BEST3: variants seen among roughly 807,000 people sequenced by gnomAD.
BEST3 encodes the protein bestrophin-3.
BEST3 carries 50 observed loss-of-function variants against 47.1 expected under a neutral mutation model. The observed-to-expected ratio is 1.06, with a 90% CI of 0.85 to 1.34. BEST3 has a LOEUF of 1.34. Among genes scored for constraint, BEST3 ranks in the 40% most tolerant of loss-of-function variants. The pLI is 0.00. For synonymous variants in BEST3, 282 were observed against 298.8 expected, an observed-to-expected ratio of 0.94 and a Z score of 0.58; for missense variants, 765 against 817.0, an observed-to-expected ratio of 0.94 and a Z score of 0.78.
chr12:69,697,284 G>GAATGACAAGTTGACAGAAGCACA (rs1466078113), intron 2 of BEST3, among the ~76,000 whole-genome samples: 1 of 152,158 alleles, frequency 6.6e-6, no homozygotes, highest in Non-Finnish European at 1.5e-5. Context: ...CATCAACTAT[G>GAATGACAAGTTGACAGAAGCACA]AATGACAAGT....
At chr12:69,688,998 CA>C (rs1885799494) in intron 4 of BEST3, 4 of 654,696 alleles carry the variant, frequency 6.1e-6, no homozygotes, top group Non-Finnish European at 7.6e-6. Context: ...GTAGAGAATT[CA>C]ACTGACAAGA....
intron 9 of BEST3, among the ~76,000 whole-genome samples, chr12:69,656,909 G>T (rs866145504): frequency 6.6e-6 from 1 of 152,102 alleles, no homozygotes; most frequent in Non-Finnish European, 1.5e-5. Context: ...TTGCATTTAT[G>T]TCTGTACAAT....
At chr12:69,662,102 C>G (rs992574884) in intron 9 of BEST3, among the ~76,000 whole-genome samples, 4 of 152,100 alleles carry the variant, frequency 2.6e-5, no homozygotes, top group African/African-American at 9.7e-5. Flanking sequence ...AACTGATTGC[C>G]CATGGTGACC....
At position 69,645,890 on chromosome 12, in the gene BEST3, C is replaced by T. The variant is rs1883016470; in HGVS notation, c.1101-2103G>A. On this transcript the variant is annotated intron_variant, in intron 9 of 9. Coordinates refer to the BEST3 transcript ENST00000331471. ...TCACAACCGTCTCTTTCTTCCTCCT[C>T]CAGGTATAGAATCTCCAGATATGTT... Among the ~76,000 whole-genome samples the T allele has an allele frequency of 2.0e-5, 3 of 152,106 alleles. No homozygotes were observed. In the South Asian group the frequency reaches 6.2e-4, roughly 32 times the overall value.
chr12:69,648,140 G>A (rs1883098705), intron 9 of BEST3, among the ~76,000 whole-genome samples: 1 of 152,194 alleles, frequency 6.6e-6, no homozygotes, highest in African/African-American at 2.4e-5. Flanking sequence ...GAGATGCAAG[G>A]ACACTTCTGG....
intron 9 of BEST3, among the ~76,000 whole-genome samples, chr12:69,666,014 C>T (rs1350767799): frequency 2.6e-5 from 4 of 151,938 alleles, no homozygotes; most frequent in Non-Finnish European, 4.4e-5. Flanking sequence ...ACCTTTGGAA[C>T]TGCTTAAACT....
rs116335970 is a variant in BEST3, at chr12:69,653,614, T to C, written c.*1293A>G. Reference sequence around the variant, plus strand: ...TGTAAGCACTCAATAAATGGTAGTTTTGAGGGTTATTTTATTTCTAAAGCC... The same window carrying C: ...TGTAAGCACTCAATAAATGGTAGTTCTGAGGGTTATTTTATTTCTAAAGCC... On this transcript the variant is annotated 3_prime_UTR_variant, in exon 10 of 10. Transcript: ENST00000330891. 6.0e-4 allele frequency: 594 copies of C among 983,068 alleles called. 3 individuals carry two copies. The African/African-American group carries it at 9.4e-3, about 16-fold the overall frequency. 60.9% of individuals were successfully genotyped at this position (983,068 alleles called of 1,614,324 possible). A position where few individuals can be genotyped will look rare whatever the true frequency, so the allele number is the denominator to read the frequency against.
chr12:69,684,721 A>G, intron 4 of BEST3: 2 of 472,046 alleles, frequency 4.2e-6, no homozygotes, highest in Non-Finnish European at 4.0e-6. Context: ...TTCCAAATGA[A>G]TGGAATGAAG....
intron 5 of BEST3, among the ~76,000 whole-genome samples, chr12:69,678,224 G>A (rs1393798670): frequency 1.8e-5 from 1 of 56,552 alleles, no homozygotes; most frequent in Non-Finnish European, 4.3e-5. Flanking sequence ...AATATACCCA[G>A]CCCTTATATA....
chr12:69,667,324 C>T (rs1884281998), intron 9 of BEST3, among the ~76,000 whole-genome samples: 1 of 151,978 alleles, frequency 6.6e-6, no homozygotes, highest in Non-Finnish European at 1.5e-5. Context: ...TTTTGCTCTT[C>T]ACTCTTGTCG....
intron 4 of BEST3, among the ~76,000 whole-genome samples, chr12:69,681,546 G>A (rs1282983258): frequency 6.6e-6 from 1 of 152,194 alleles, no homozygotes; most frequent in Non-Finnish European, 1.5e-5. Flanking sequence ...AAGGAGGAGT[G>A]AGGTATGCCC....
At position 69,693,784 on chromosome 12, in the gene BEST3, A is replaced by AGCAG; in HGVS notation, c.367_370dup (p.Leu124ProfsTer3). On this transcript the variant is annotated frameshift_variant, in exon 4 of 10. Coordinates refer to ENST00000330891, the MANE Select transcript of BEST3 (RefSeq NM_032735.3). LOFTEE classifies it high-confidence loss of function. ...GACGTAGCGCATCAGCGTCCTTCTA[A>AGCAG]GCAGGCGCCCGTGCTCGTCGCTTCC... is the stretch of plus-strand genomic sequence containing the variant. 6.2e-7 allele frequency: 1 copy of AGCAG among 1,614,190 alleles called. No homozygotes were observed. The highest frequency in any genetic ancestry group is 8.5e-7 in the Non-Finnish European group (1 of 1,180,032).
chr12:69,685,952 A>G (rs1885553198), intron 4 of BEST3, among the ~76,000 whole-genome samples: 1 of 152,230 alleles, frequency 6.6e-6, no homozygotes, highest in African/African-American at 2.4e-5. Context: ...TCTCATGTGC[A>G]GAGCAACTAC....
At chr12:69,649,072 G>A (rs1278846426), downstream of BEST3, among the ~76,000 whole-genome samples, 1 of 152,292 alleles carries the variant, frequency 6.6e-6, no homozygotes, top group Middle Eastern at 3.4e-3. Context: ...TCAGTTCACT[G>A]CAACCTCTGC....
intron 1 of BEST3, among the ~76,000 whole-genome samples, 182 bp downstream of exon 1, chr12:69,699,023 A>C (rs1349648773): frequency 1.3e-5 from 2 of 152,214 alleles, no homozygotes; most frequent in African/African-American, 4.8e-5. Context: ...GAGCATAATA[A>C]ATTAAACCCA....
At position 69,661,979 on chromosome 12, in the gene BEST3, C is replaced by A. The variant is rs117744227; in HGVS notation, c.1101-6166G>T. ...TGGCTGACACAAAAAGAAGTTATGG[C>A]CAAAAGTGGGGGTTCACTTAAAGTT... On this transcript the variant is annotated intron_variant, in intron 9 of 9. Transcript: ENST00000330891. Among the ~76,000 whole-genome samples, 1,208 of 152,102 alleles carry A rather than the reference C, an allele frequency of 7.9e-3. 4 individuals carry two copies. Among genetic ancestry groups the A allele is most frequent in the Non-Finnish European group, 0.011 (752 of 68,000 alleles).
chr12:69,671,710 G>A (rs1884585720), intron 8 of BEST3, 131 bp from the exon 9 acceptor site: 2 of 793,336 alleles, frequency 2.5e-6, no homozygotes, highest in Non-Finnish European at 4.1e-6. Flanking sequence ...AATGTCTGTA[G>A]TTCATACTTG....
chr12:69,693,654 G>T lies in BEST3; in HGVS notation c.481+20C>A, dbSNP rs763402608. On this transcript the variant is annotated intron_variant, in intron 4 of 9. Transcript: ENST00000330891. The stretch of plus-strand genomic sequence containing the variant: ...TCTCAGCTGAGAAGAGCCCATGGAA[G>T]GAAAAGCCATTCATAGTACCTGCTT... The T allele has an allele frequency of 1.3e-6, 2 of 1,560,322 alleles. No homozygotes were observed. The highest frequency in any genetic ancestry group is 1.1e-5 in the South Asian group (1 of 89,762).
intron 9 of BEST3, among the ~76,000 whole-genome samples, chr12:69,659,380 G>A (rs1490553784): frequency 1.3e-5 from 2 of 152,116 alleles, no homozygotes; most frequent in Non-Finnish European, 2.9e-5. Flanking sequence ...TAGAGACAAA[G>A]CCTCACTCTG....
Sources: gnomAD v4.1 joint callset for allele counts (sites outside exome capture counted in the v4.1 genomes callset) on GRCh38, gnomAD v4.1.1 for gene constraint, MANE v1.5 for transcripts, NCBI Gene and HGNC (gene_info 2026-07-23, HGNC 2026-07-21) for gene names.